GPC5: variants seen among roughly 807,000 people sequenced by gnomAD.
GPC5 encodes glypican 5.
In GPC5, 47 loss-of-function variants were observed where a neutral mutation model predicts 53.9. The ratio of observed to expected loss-of-function variants is 0.87; its 90% confidence interval spans 0.69 to 1.11. The LOEUF (loss-of-function observed/expected upper bound fraction) is 1.11, where lower values mean the gene tolerates loss of function less well. Among genes scored for constraint, GPC5 ranks in the 50% most tolerant of loss-of-function variants. The probability of loss-of-function intolerance (pLI) is 0.00; values close to 1 mark genes in which losing one functional copy is unlikely to be tolerated. For synonymous variants in GPC5, 286 were observed against 263.3 expected (o/e 1.09, Z -0.84); for missense variants, 748 against 713.1 (o/e 1.05, Z -0.56).
At chr13:92,722,588 C>A (rs1285798840) in intron 7 of GPC5, among the ~76,000 whole-genome samples, 1 of 151,846 alleles carries the variant, frequency 6.6e-6, no homozygotes, top group Non-Finnish European at 1.5e-5. Flanking sequence ...AACAGACTGC[C>A]ACCTATTATC....
intron 1 of GPC5, among the ~76,000 whole-genome samples, chr13:91,412,648 A>G (rs970070933): frequency 7.9e-5 from 12 of 152,370 alleles, no homozygotes; most frequent in Middle Eastern, 3.4e-3. Context: ...CAGAGGAAAT[A>G]TAATTTCTCA....
chr13:91,879,474 A>T (rs567253801), intron 5 of GPC5, among the ~76,000 whole-genome samples: 2 of 152,302 alleles, frequency 1.3e-5, no homozygotes, highest in Admixed American at 1.3e-4. Flanking sequence ...GGGGCTGGGA[A>T]ATCTAAGACC....
At chr13:92,426,911 G>C (rs1344683307) in intron 7 of GPC5, among the ~76,000 whole-genome samples, 1 of 151,896 alleles carries the variant, frequency 6.6e-6, no homozygotes. Context: ...AGAAGAAAAA[G>C]AGAGAACTAG....
chr13:92,321,992 A>G (rs1271665500), intron 7 of GPC5, among the ~76,000 whole-genome samples: 1 of 152,236 alleles, frequency 6.6e-6, no homozygotes, highest in Non-Finnish European at 1.5e-5. Context: ...CAATAATTAA[A>G]TGAATTTATT....
chr13:92,063,962 GT>G (rs1466128494), intron 6 of GPC5, among the ~76,000 whole-genome samples: 2 of 152,070 alleles, frequency 1.3e-5, no homozygotes, highest in Non-Finnish European at 2.9e-5. Flanking sequence ...AATTGTGATT[GT>G]TTTAGGTACA....
At chr13:92,032,223 G>A (rs1035218260) in intron 6 of GPC5, among the ~76,000 whole-genome samples, 4 of 150,530 alleles carry the variant, frequency 2.7e-5, no homozygotes, top group African/African-American at 9.7e-5. Context: ...ACAAGTGGGA[G>A]CTAAGCTATG....
intron 2 of GPC5, among the ~76,000 whole-genome samples, chr13:91,478,166 T>TA (rs995928081): frequency 2.0e-5 from 3 of 151,960 alleles, no homozygotes; most frequent in African/African-American, 4.8e-5. Context: ...CATAAAACTT[T>TA]AAAAAAAAGT....
intron 7 of GPC5, among the ~76,000 whole-genome samples, chr13:92,527,633 T>A (rs185671974): frequency 1.3e-5 from 2 of 152,236 alleles, no homozygotes; most frequent in Admixed American, 1.3e-4. Flanking sequence ...TCTTATTAAA[T>A]TTTGCTGTGA....
At chr13:91,407,669 G>A (rs2138766116) in intron 1 of GPC5, among the ~76,000 whole-genome samples, 1 of 152,266 alleles carries the variant, frequency 6.6e-6, no homozygotes, top group Admixed American at 6.5e-5. Context: ...CCCATGTCGG[G>A]AGTAAAGTAT....
At chr13:91,490,484 T>C (rs1403533944) in intron 2 of GPC5, among the ~76,000 whole-genome samples, 2 of 152,194 alleles carry the variant, frequency 1.3e-5, no homozygotes, top group Non-Finnish European at 2.9e-5. Flanking sequence ...TGTTTTTATT[T>C]AATTGATAAT....
At chr13:92,729,938 A>G (rs1448969352) in intron 7 of GPC5, among the ~76,000 whole-genome samples, 2 of 151,404 alleles carry the variant, frequency 1.3e-5, no homozygotes, top group African/African-American at 4.8e-5. Flanking sequence ...CATTTTATGT[A>G]CAGCTTAGCT....
At chr13:91,881,197 T>G (rs1204950747) in intron 5 of GPC5, among the ~76,000 whole-genome samples, 1 of 152,110 alleles carries the variant, frequency 6.6e-6, no homozygotes, top group Non-Finnish European at 1.5e-5. Flanking sequence ...AAACAAAAGG[T>G]GTCTCATTTT....
intron 5 of GPC5, among the ~76,000 whole-genome samples, chr13:91,827,062 A>C (rs2138846724): frequency 6.6e-6 from 1 of 152,068 alleles, no homozygotes; most frequent in East Asian, 1.9e-4. Flanking sequence ...ATATTTAAAA[A>C]TAAAATAGTG....
At chr13:92,267,494 T>G (rs1172688394) in intron 7 of GPC5, among the ~76,000 whole-genome samples, 1 of 152,144 alleles carries the variant, frequency 6.6e-6, no homozygotes, top group Admixed American at 6.5e-5. Flanking sequence ...TTCATTCTGT[T>G]TCATTGGCTG....
chr13:92,636,709 C>T (rs192812103), intron 7 of GPC5, among the ~76,000 whole-genome samples: 1 of 152,142 alleles, frequency 6.6e-6, no homozygotes, highest in Non-Finnish European at 1.5e-5. Flanking sequence ...GAAGGTACTG[C>T]ATCTTATTTA....
chr13:92,610,694 GA>G (rs1470587785), intron 7 of GPC5, among the ~76,000 whole-genome samples: 20 of 152,266 alleles, frequency 1.3e-4, no homozygotes, highest in Admixed American at 3.9e-4. Flanking sequence ...CATGGCTGGG[GA>G]AGCCTCAAGA....
rs1876320697 is a variant in GPC5 at position 92,788,005 on chromosome 13, A to G, written c.1562-78277A>G. On this transcript the variant is annotated intron_variant, in intron 7 of 7. Coordinates refer to ENST00000377067, the MANE Select transcript of GPC5 (RefSeq NM_004466.6). ...ATATTAAAGAATGAGGATTTTCCAAATGTCGAGAATGACATGGGGTTTCAG... is the reference window on the plus strand; with the variant it reads ...ATATTAAAGAATGAGGATTTTCCAAGTGTCGAGAATGACATGGGGTTTCAG... Among the ~76,000 whole-genome samples the G allele has an allele frequency of 1.3e-5, 2 of 152,106 alleles. 1 individual carries two copies. Among genetic ancestry groups the G allele is most frequent in the African/African-American group, 4.8e-5 (2 of 41,436 alleles).
chr13:92,781,534 A>G (rs949229048), intron 7 of GPC5, among the ~76,000 whole-genome samples: 24 of 152,162 alleles, frequency 1.6e-4, no homozygotes, highest in African/African-American at 5.3e-4. Context: ...TGGGGGAGCT[A>G]CTGTCAACTG....
chr13:92,619,167 A>G (rs1415931830), intron 7 of GPC5, among the ~76,000 whole-genome samples: 1 of 151,950 alleles, frequency 6.6e-6, no homozygotes, highest in Non-Finnish European at 1.5e-5. Context: ...ACACATTATC[A>G]TTTATGCATG....
Sources: allele counts gnomAD v4.1 joint callset (sites outside exome capture counted in the v4.1 genomes callset), GRCh38; gene constraint gnomAD v4.1.1; transcripts MANE v1.5; gene names NCBI Gene and HGNC (gene_info 2026-07-23, HGNC 2026-07-21).